PPP3CA: variants seen among roughly 807,000 people sequenced by gnomAD.
PPP3CA encodes the protein protein phosphatase 3 catalytic subunit alpha.
A neutral mutation model predicts 66.5 loss-of-function variants in PPP3CA; 14 were observed. The observed-to-expected ratio is 0.21, with a 90% CI of 0.14 to 0.33. The LOEUF is 0.33. Ranked by LOEUF, PPP3CA falls within the 10% of genes least tolerant of loss-of-function variation. The probability of loss-of-function intolerance (pLI) is 1.00; values close to 1 mark genes in which losing one functional copy is unlikely to be tolerated. For synonymous variants in PPP3CA, 232 were observed against 226.2 expected (o/e 1.03, Z -0.23); for missense variants, 317 against 639.5 (o/e 0.50, Z 5.44).
chr4:101,338,019 T>C (rs1729692360), intron 1 of PPP3CA, among the ~76,000 whole-genome samples: 1 of 152,218 alleles, frequency 6.6e-6, no homozygotes, highest in Non-Finnish European at 1.5e-5. Flanking sequence ...TTCCTAATCT[T>C]ATACATTTTT....
rs181862356 is a variant in PPP3CA at position 101,129,405 on chromosome 4, A to C, written c.260-20327T>G. Among the ~76,000 whole-genome samples, 803 of 152,320 alleles carry C rather than the reference A, an allele frequency of 5.3e-3. 8 individuals carry two copies. The highest frequency in any genetic ancestry group is 0.018 in the African/African-American group (756 of 41,584). On this transcript the variant is annotated intron_variant, in intron 2 of 13. Transcript: ENST00000394854. Reference sequence around the variant, plus strand: ...CAGTGCTTGAGTTCTGCTAAGGGACAGACTGCCTCCTCAAGTGGGTCCCTG... The same window carrying C: ...CAGTGCTTGAGTTCTGCTAAGGGACCGACTGCCTCCTCAAGTGGGTCCCTG...
chr4:101,226,856 T>C (rs1194647521), intron 1 of PPP3CA, among the ~76,000 whole-genome samples: 1 of 151,708 alleles, frequency 6.6e-6, no homozygotes, highest in Non-Finnish European at 1.5e-5. Context: ...AGAATACTGA[T>C]ATCATGAAAC....
chr4:101,273,206 C>G (rs1030132401), intron 1 of PPP3CA, among the ~76,000 whole-genome samples: 5 of 152,076 alleles, frequency 3.3e-5, no homozygotes, highest in Non-Finnish European at 7.4e-5. Flanking sequence ...TTCCCAATAC[C>G]TGTACCAAAT....
intron 3 of PPP3CA, among the ~76,000 whole-genome samples, chr4:101,104,223 C>T (rs1039071134): frequency 5.9e-5 from 9 of 152,014 alleles, no homozygotes; most frequent in Admixed American, 4.6e-4. Context: ...GCAGTGGAGC[C>T]CTGAATTATT....
intron 1 of PPP3CA, among the ~76,000 whole-genome samples, chr4:101,272,296 T>C (rs1378556545): frequency 6.6e-6 from 1 of 152,222 alleles, no homozygotes; most frequent in Admixed American, 6.5e-5. Flanking sequence ...TTCCATTTTA[T>C]ACTTAAAGAC....
intron 1 of PPP3CA, among the ~76,000 whole-genome samples, chr4:101,304,884 A>T (rs1026295707): frequency 1.3e-5 from 2 of 152,084 alleles, no homozygotes; most frequent in African/African-American, 4.8e-5. Flanking sequence ...AATCTATACG[A>T]GACTAACTAA....
intron 8 of PPP3CA, among the ~76,000 whole-genome samples, chr4:101,072,288 G>A (rs1728950173): frequency 6.6e-6 from 1 of 152,156 alleles, no homozygotes; most frequent in Non-Finnish European, 1.5e-5. Flanking sequence ...AATGGTTAGA[G>A]TCACCTAAAC....
At position 101,319,482 on chromosome 4, in the gene PPP3CA, C is replaced by T. The variant is rs1482894710; in HGVS notation, c.58+27257G>A. On this transcript the variant is annotated intron_variant, in intron 1 of 13. Transcript: ENST00000394854. ...TAATCTAATGTTATTCAAGAGTACC[C>T]AAAACTTTCACATTACAAGCCATGC... Among the ~76,000 whole-genome samples the T allele has an allele frequency of 2.6e-5, 4 of 151,976 alleles. No individual in the cohort carries two copies. The South Asian group carries it at 6.2e-4, about 24-fold the overall frequency.
At chr4:101,102,711 T>G (rs1730501705) in intron 3 of PPP3CA, among the ~76,000 whole-genome samples, 1 of 152,146 alleles carries the variant, frequency 6.6e-6, no homozygotes, top group Admixed American at 6.5e-5. Context: ...GGGAAGTCTC[T>G]TGTAAAAAAA....
intron 1 of PPP3CA, among the ~76,000 whole-genome samples, chr4:101,324,150 G>GGA (rs1729129328): frequency 2.1e-5 from 2 of 97,484 alleles, no homozygotes; most frequent in African/African-American, 9.4e-5. Flanking sequence ...GGAAGGAAGG[G>GGA]AGGGAGGAAG....
At chr4:101,207,700 C>T (rs988683199) in intron 1 of PPP3CA, among the ~76,000 whole-genome samples, 3 of 152,176 alleles carry the variant, frequency 2.0e-5, no homozygotes, top group African/African-American at 7.2e-5. Context: ...CTGGCAGGCG[C>T]CTGTAATCCC....
intron 8 of PPP3CA, among the ~76,000 whole-genome samples, chr4:101,071,968 T>C (rs1002679546): frequency 4.4e-4 from 67 of 152,234 alleles, no homozygotes; most frequent in Non-Finnish European, 1.8e-4. Context: ...TGGGATAGTT[T>C]ATATTCTACC....
intron 6 of PPP3CA, among the ~76,000 whole-genome samples, chr4:101,085,083 CTGGT>C (rs1729604417): frequency 2.0e-5 from 3 of 152,214 alleles, no homozygotes; most frequent in Non-Finnish European, 4.4e-5. Context: ...TTCAGAGATA[CTGGT>C]TGGTCTTTCA....
At chr4:101,059,179 A>G (rs551227008) in intron 10 of PPP3CA, among the ~76,000 whole-genome samples, 1 of 152,292 alleles carries the variant, frequency 6.6e-6, no homozygotes, top group African/African-American at 2.4e-5. Context: ...CATTTAAAAG[A>G]TAACAGTAGC....
chr4:101,089,354 G>A (rs1418538367), intron 6 of PPP3CA, among the ~76,000 whole-genome samples: 3 of 151,104 alleles, frequency 2.0e-5, no homozygotes, highest in African/African-American at 7.4e-5. Context: ...AGATGGAAGC[G>A]GCTGATAAGA....
intron 8 of PPP3CA, among the ~76,000 whole-genome samples, chr4:101,069,981 A>T (rs1333939215): frequency 6.6e-6 from 1 of 152,150 alleles, no homozygotes; most frequent in Non-Finnish European, 1.5e-5. Flanking sequence ...ATGAATCAAA[A>T]GTTATATGTG....
At chr4:101,216,446 C>T (rs766222870) in intron 1 of PPP3CA, among the ~76,000 whole-genome samples, 10 of 152,118 alleles carry the variant, frequency 6.6e-5, no homozygotes, top group Non-Finnish European at 1.5e-4. Context: ...GATTTTGGTG[C>T]TATATTCCAA....
intron 3 of PPP3CA, among the ~76,000 whole-genome samples, chr4:101,105,991 G>A (rs1443500204): frequency 2.0e-5 from 3 of 152,010 alleles, no homozygotes; most frequent in African/African-American, 4.8e-5. Context: ...GAATTTAAGA[G>A]TTACTAAAAT....
At chr4:101,335,574 G>C (rs1729603010) in intron 1 of PPP3CA, among the ~76,000 whole-genome samples, 1 of 152,088 alleles carries the variant, frequency 6.6e-6, no homozygotes, top group Non-Finnish European at 1.5e-5. Context: ...GACCAGATTA[G>C]GCGTTTGACA....
Sources: gnomAD v4.1 joint callset for allele counts (sites outside exome capture counted in the v4.1 genomes callset) on GRCh38, gnomAD v4.1.1 for gene constraint, MANE v1.5 for transcripts, NCBI Gene and HGNC (gene_info 2026-07-23, HGNC 2026-07-21) for gene names.